The following ZMYND11 variants were observed in gnomAD, a reference collection of about 807,000 sequenced individuals.
The protein encoded by ZMYND11 is zinc finger MYND domain-containing protein 11.
In ZMYND11, 9 loss-of-function variants were observed where a neutral mutation model predicts 84.9. The ratio of observed to expected loss-of-function variants is 0.11; its 90% CI spans 0.06 to 0.18. The LOEUF (loss-of-function observed/expected upper bound fraction) is 0.18, where lower values mean the gene tolerates loss of function less well. Among genes scored for constraint, ZMYND11 ranks in the 10% least tolerant of loss-of-function variants. The probability of loss-of-function intolerance (pLI) is 1.00; values close to 1 mark genes in which losing one functional copy is unlikely to be tolerated. For missense variants in ZMYND11, 409 were observed against 761.0 expected (o/e 0.54, Z 5.44); for synonymous variants, 250 against 244.1 (o/e 1.02, Z -0.23).
At chr10:243,318 C>T (rs574879266) in intron 10 of ZMYND11, among the ~76,000 whole-genome samples, 3 of 152,092 alleles carry the variant, frequency 2.0e-5, no homozygotes, top group Admixed American at 6.6e-5. Flanking sequence ...CAAGGAATAA[C>T]GGGGGAAAGT....
chr10:157,781 AT>A (rs1293584745), intron 1 of ZMYND11, among the ~76,000 whole-genome samples: 3 of 152,196 alleles, frequency 2.0e-5, no homozygotes, highest in Non-Finnish European at 4.4e-5. Context: ...TTTCTACTGT[AT>A]TTACAAGGTA....
At chr10:196,907 C>T (rs564412797) in intron 2 of ZMYND11, among the ~76,000 whole-genome samples, 4 of 152,340 alleles carry the variant, frequency 2.6e-5, no homozygotes, top group Middle Eastern at 6.8e-3. Context: ...CCAGGAAGCA[C>T]AGTCCCCCTT....
chr10:216,557 G>A (rs749021613), intron 3 of ZMYND11, among the ~76,000 whole-genome samples: 15 of 151,952 alleles, frequency 9.9e-5, no homozygotes, highest in Non-Finnish European at 1.8e-4. Context: ...GTTACTTACC[G>A]CAGAACCACA....
At chr10:243,872 T>A (rs374588311) in intron 10 of ZMYND11, among the ~76,000 whole-genome samples, 39 of 151,380 alleles carry the variant, frequency 2.6e-4, no homozygotes, top group African/African-American at 9.1e-4. Flanking sequence ...CTCAAAAAAA[T>A]AATAATAATA....
intron 11 of ZMYND11, among the ~76,000 whole-genome samples, 198 bp from the exon 12 acceptor site, chr10:247,200 C>G (rs995779124): frequency 6.6e-6 from 1 of 152,190 alleles, no homozygotes; most frequent in African/African-American, 2.4e-5. Flanking sequence ...TACAAGTGCT[C>G]CTCTCTGAAG....
At chr10:221,551 G>C (rs1398874487) in intron 4 of ZMYND11, among the ~76,000 whole-genome samples, 195 bp downstream of exon 4, 1 of 152,156 alleles carries the variant, frequency 6.6e-6, no homozygotes, top group Non-Finnish European at 1.5e-5. Flanking sequence ...GTGGATTTTA[G>C]AAAGTTTTAA....
At chr10:159,687 C>T (rs920460736) in intron 1 of ZMYND11, among the ~76,000 whole-genome samples, 11 of 152,060 alleles carry the variant, frequency 7.2e-5, no homozygotes, top group Non-Finnish European at 1.3e-4. Flanking sequence ...TTTGCCTATT[C>T]AATTTGTCAC....
intron 10 of ZMYND11, among the ~76,000 whole-genome samples, chr10:243,538 A>C (rs1179329795): frequency 6.6e-6 from 1 of 152,208 alleles, no homozygotes. Flanking sequence ...GTTAGATGTC[A>C]TTCAGTATAC....
At chr10:209,132 C>A (rs997029466) in intron 2 of ZMYND11, among the ~76,000 whole-genome samples, 2 of 151,778 alleles carry the variant, frequency 1.3e-5, no homozygotes, top group Non-Finnish European at 2.9e-5. Context: ...ACATTTATTT[C>A]TTTATTAAAC....
At position 147,339 on chromosome 10, in the gene ZMYND11, G is replaced by C. The variant is rs181178945; in HGVS notation, c.-20+11780G>C. The stretch of plus-strand genomic sequence containing the variant: ...CTTGTCTTGTTCCAGTTCTTAGGGG[G>C]AATGCTTTCAACTTTTCCCCATTCA... On this transcript the variant is annotated intron_variant, in intron 1 of 14. Transcript: ENST00000381604. 2.0e-4 allele frequency among the ~76,000 whole-genome samples: 30 copies of C among 152,012 alleles called. 1 individual carries two copies. Among genetic ancestry groups the C allele is most frequent in the Non-Finnish European group, 4.4e-5 (3 of 68,020 alleles).
chr10:186,391 C>A (rs2130824691), intron 2 of ZMYND11, among the ~76,000 whole-genome samples: 1 of 151,712 alleles, frequency 6.6e-6, no homozygotes, highest in South Asian at 2.1e-4. Flanking sequence ...GCCTGTAATC[C>A]CAGCACTTAG....
intron 6 of ZMYND11, 32 bp from the exon 7 acceptor site, chr10:239,406 C>T (rs376389158): frequency 1.3e-6 from 2 of 1,584,814 alleles, no homozygotes; most frequent in African/African-American, 2.7e-5. Flanking sequence ...ACTGGTAACT[C>T]TTTTCGTCAT....
chr10:180,387 T>A (rs1446983023), intron 2 of ZMYND11, among the ~76,000 whole-genome samples: 3 of 152,154 alleles, frequency 2.0e-5, no homozygotes, highest in African/African-American at 7.2e-5. Flanking sequence ...TTAACCAAAT[T>A]TTTAACTCTA....
At chr10:226,989 CTGTT>C (rs1411079847) in intron 4 of ZMYND11, among the ~76,000 whole-genome samples, 20 of 152,128 alleles carry the variant, frequency 1.3e-4, no homozygotes, top group Non-Finnish European at 2.8e-4. Context: ...GCATTTTTCT[CTGTT>C]TAAGGATCAC....
At chr10:218,044 G>A (rs1169934424) in intron 3 of ZMYND11, among the ~76,000 whole-genome samples, 1 of 152,176 alleles carries the variant, frequency 6.6e-6, no homozygotes, top group African/African-American at 2.4e-5. Flanking sequence ...GATTTTTAGA[G>A]AATCCAGTGT....
intron 14 of ZMYND11, among the ~76,000 whole-genome samples, chr10:250,492 C>G (rs1953210234): frequency 2.0e-5 from 3 of 152,062 alleles, no homozygotes; most frequent in Admixed American, 2.0e-4. Context: ...AAGACCCTGT[C>G]TCTTAAAAAA....
In ZMYND11 at chr10:242,102, C is replaced by CA; in HGVS notation, c.915dup (p.Val306SerfsTer18). 1 of 1,613,952 alleles carries CA rather than the reference C, an allele frequency of 6.2e-7. No individual in the cohort carries two copies. The highest frequency in any genetic ancestry group is 1.7e-5 in the Admixed American group (1 of 59,998). ...CAAAGTCATGCAGAAAGAAGACAAT[C>CA]AAGTCGACGTTCGCTTCTTTGGCCA... On this transcript the variant is annotated frameshift_variant, in exon 10 of 15. Coordinates refer to ENST00000381604, the MANE Select transcript of ZMYND11 (RefSeq NM_001370100.5). LOFTEE classifies it high-confidence loss of function.
intron 1 of ZMYND11, among the ~76,000 whole-genome samples, chr10:164,719 G>A (rs1417323011): frequency 7.9e-5 from 12 of 152,154 alleles, no homozygotes; most frequent in African/African-American, 2.7e-4. Context: ...GATTGAACTA[G>A]AAATTGGAGA....
intron 1 of ZMYND11, among the ~76,000 whole-genome samples, chr10:159,116 CTTT>C (rs1179359339): frequency 2.3e-5 from 3 of 132,306 alleles, no homozygotes; most frequent in Admixed American, 7.6e-5. Flanking sequence ...CATGATCCCT[CTTT>C]TTTTTTTTTT....
Sources: allele counts gnomAD v4.1 joint callset (sites outside exome capture counted in the v4.1 genomes callset), GRCh38; gene constraint gnomAD v4.1.1; transcripts MANE v1.5; gene names NCBI Gene and HGNC (gene_info 2026-07-23, HGNC 2026-07-21).